The following INSR variants were observed in gnomAD, a reference collection of about 807,000 sequenced individuals.
The protein encoded by INSR is insulin receptor.
INSR carries 67 observed loss-of-function variants against 142.6 expected under a neutral mutation model. The ratio of observed to expected loss-of-function variants is 0.47; its 90% confidence interval spans 0.39 to 0.58. The LOEUF (loss-of-function observed/expected upper bound fraction) is 0.58, where lower values mean the gene tolerates loss of function less well. Ranked by LOEUF, INSR falls within the 20% of genes least tolerant of loss-of-function variation. The pLI is 0.00. For synonymous variants in INSR, 756 were observed against 743.1 expected (o/e 1.02, Z -0.28); for missense variants, 1,248 against 1,833.2 (o/e 0.68, Z 5.83).
At chr19:7,254,479 T>C (rs1976830148) in intron 2 of INSR, among the ~76,000 whole-genome samples, 1 of 151,718 alleles carries the variant, frequency 6.6e-6, no homozygotes, top group African/African-American at 2.4e-5. Flanking sequence ...CAGTGAGCTA[T>C]GATCGCACCA....
chr19:7,288,822 G>A (rs1968412265), intron 1 of INSR, among the ~76,000 whole-genome samples: 1 of 151,912 alleles, frequency 6.6e-6, no homozygotes, highest in African/African-American at 2.4e-5. Flanking sequence ...AACTAGCCAG[G>A]CGGGGTGGCA....
intron 2 of INSR, among the ~76,000 whole-genome samples, chr19:7,207,853 C>T (rs1975146726): frequency 6.9e-6 from 1 of 144,876 alleles, no homozygotes; most frequent in East Asian, 2.1e-4. Flanking sequence ...TGCCGTTGCA[C>T]TCTAGCCTGG....
At chr19:7,239,106 A>T (rs987497996) in intron 2 of INSR, among the ~76,000 whole-genome samples, 4 of 152,160 alleles carry the variant, frequency 2.6e-5, no homozygotes, top group African/African-American at 9.7e-5. Flanking sequence ...ATTTAAAAAG[A>T]TGGATGCTTA....
In INSR at chr19:7,170,893, T is replaced by C. The variant is rs896348221; in HGVS notation, c.1269-142A>G. The C allele has an allele frequency of 3.9e-6, 3 of 765,484 alleles. No individual in the cohort carries two copies. The East Asian group carries it at 7.4e-5, about 19-fold the overall frequency. The allele number at this position is 765,484 out of a possible 1,614,324, so 47.4% of individuals were successfully genotyped here. Reference sequence around the variant, plus strand: ...TTGCTTGGCACATACTCAACACATATTTGTTGAATGTGGATAACAGAGGAA... The same window carrying C: ...TTGCTTGGCACATACTCAACACATACTTGTTGAATGTGGATAACAGAGGAA... On this transcript the variant is annotated intron_variant, in intron 5 of 21. Transcript: ENST00000302850.
At chr19:7,249,394 G>A (rs1323391984) in intron 2 of INSR, among the ~76,000 whole-genome samples, 4 of 151,892 alleles carry the variant, frequency 2.6e-5, no homozygotes, top group Non-Finnish European at 5.9e-5. Context: ...ACTTGCCTTC[G>A]TCAAGAACAC....
chr19:7,193,929 T>G (rs563880773), intron 2 of INSR, among the ~76,000 whole-genome samples: 1 of 150,402 alleles, frequency 6.6e-6, no homozygotes, highest in South Asian at 2.1e-4. Flanking sequence ...CTTGAACTCC[T>G]AGGCTCAAGA....
Position 7,267,967 on chromosome 19 carries a change from G to T in INSR, c.101-71C>A. Reference sequence around the variant, plus strand: ...CGGTGGATGCATCAGAAGGATCAGGGGCAGAGCCGGCTTCATGGACAGGAA... The same window carrying T: ...CGGTGGATGCATCAGAAGGATCAGGTGCAGAGCCGGCTTCATGGACAGGAA... On this transcript the variant is annotated intron_variant, in intron 1 of 21. Transcript: ENST00000302850. The surrounding 1 kb of genome is among the most constrained non-coding windows in gnomAD (Gnocchi z 6.3). 7.7e-7 allele frequency: 1 copy of T among 1,304,624 alleles called. No individual in the cohort carries two copies. The allele number at this position is 1,304,624 out of a possible 1,614,324, so 80.8% of individuals were successfully genotyped here. A position where few individuals can be genotyped will look rare whatever the true frequency, so the allele number is the denominator to read the frequency against.
At chr19:7,144,205 G>T (rs1255280901) in intron 11 of INSR, among the ~76,000 whole-genome samples, 1 of 151,962 alleles carries the variant, frequency 6.6e-6, no homozygotes, top group Non-Finnish European at 1.5e-5. Context: ...TTATTATATT[G>T]GAAGCATTTA....
rs766291298 is a variant in INSR, at chr19:7,216,527, G to A, written c.653-31890C>T. 2.0e-5 allele frequency among the ~76,000 whole-genome samples: 3 copies of A among 152,152 alleles called. No individual in the cohort carries two copies. Among genetic ancestry groups the A allele is most frequent in the Admixed American group, 2.0e-4 (3 of 15,276 alleles). On this transcript the variant is annotated intron_variant, in intron 2 of 21. Transcript: ENST00000302850. This position sits in a 1 kb window ranked among gnomAD's most constrained non-coding sequence, Gnocchi z 4.2. ...ACAGGGAACCACGGGGGATGTCCCC[G>A]GGCTCTGGGTTCGAAAATGCAGGCC...
intron 2 of INSR, among the ~76,000 whole-genome samples, chr19:7,242,420 A>G (rs1419485348): frequency 3.3e-5 from 5 of 152,224 alleles, no homozygotes; most frequent in African/African-American, 9.6e-5. Flanking sequence ...GACTTTTACT[A>G]TAAATAAAAA....
chr19:7,152,847 C>G lies in INSR; in HGVS notation c.2110G>C (p.Asp704His). ...SQKHNQSEYE[D>H]SAGECCSCPK... The stretch of plus-strand genomic sequence containing the variant: ...CAGGAGCAGCATTCGCCGGCCGAAT[C>G]CTCATACTCACTCTGGTTGTGCTTC... The change falls in exon 10 of 22, where the codon GAT (aspartate) becomes CAT (histidine). Residue 704 changes from aspartate to histidine, a missense_variant. This residue lies in a region of INSR where 1,069 missense variants were observed against 1,654.0 expected (regional missense o/e 0.65). Transcript: ENST00000302850. 6.2e-7 allele frequency: 1 copy of G among 1,613,428 alleles called. No individual in the cohort carries two copies. The highest frequency in any genetic ancestry group is 1.1e-5 in the South Asian group (1 of 91,050).
chr19:7,179,936 G>A (rs1251300791), intron 3 of INSR, among the ~76,000 whole-genome samples: 2 of 152,152 alleles, frequency 1.3e-5, no homozygotes, highest in East Asian at 1.9e-4. Flanking sequence ...ATTTGCAAAC[G>A]TGATACAAGC....
chr19:7,160,702 T>G (rs1973725219), intron 9 of INSR, among the ~76,000 whole-genome samples: 1 of 151,962 alleles, frequency 6.6e-6, no homozygotes, highest in African/African-American at 2.4e-5. Context: ...AAACCCAATG[T>G]TAAAATAATT....
In INSR at chr19:7,267,224, AC is replaced by A; in HGVS notation, c.652+120del. The A allele has an allele frequency of 9.8e-7, 1 of 1,017,384 alleles. No homozygotes were observed. Among genetic ancestry groups the A allele is most frequent in the Non-Finnish European group, 1.5e-6 (1 of 660,070 alleles). 63.0% of individuals were successfully genotyped at this position (1,017,384 alleles called of 1,614,324 possible). ...GCCACTCCCTGGGCTAGTGAATGCC[AC>A]CACCCACTATTCCCCGGCCCCTACC... On this transcript the variant is annotated intron_variant, in intron 2 of 21. Transcript: ENST00000302850. The surrounding 1 kb of genome is among the most constrained non-coding windows in gnomAD (Gnocchi z 6.3).
In INSR at chr19:7,280,157, G is replaced by A. The variant is rs551315871; in HGVS notation, c.101-12261C>T. On this transcript the variant is annotated intron_variant, in intron 1 of 21. Transcript: ENST00000302850. ...CAGGCGCCTGTAGTCCCAGCTACTC[G>A]GGAGGCTGAGGCAGGAGAATGGCGT... 3.7e-4 allele frequency among the ~76,000 whole-genome samples: 57 copies of A among 152,174 alleles called. 1 individual carries two copies. Among genetic ancestry groups the A allele is most frequent in the Admixed American group, 2.4e-3 (36 of 15,276 alleles).
intron 2 of INSR, among the ~76,000 whole-genome samples, chr19:7,252,103 G>C (rs1429750904): frequency 6.6e-6 from 1 of 151,562 alleles, no homozygotes; most frequent in African/African-American, 2.4e-5. Context: ...GCGAAACCCT[G>C]TCTCTACTGA....
At chr19:7,158,359 G>C (rs934328673) in intron 9 of INSR, among the ~76,000 whole-genome samples, 5 of 151,966 alleles carry the variant, frequency 3.3e-5, no homozygotes, top group Non-Finnish European at 5.9e-5. Flanking sequence ...AAATTAGCCG[G>C]GCGTGGTGGC....
At chr19:7,135,061 G>A (rs1450295414) in intron 13 of INSR, among the ~76,000 whole-genome samples, 1 of 145,854 alleles carries the variant, frequency 6.9e-6, no homozygotes, top group Non-Finnish European at 1.5e-5. Flanking sequence ...TTAGGAGGGG[G>A]GTGGAGAGTG....
chr19:7,189,903 A>G (rs940587125), intron 2 of INSR, among the ~76,000 whole-genome samples: 3 of 152,030 alleles, frequency 2.0e-5, no homozygotes, highest in Non-Finnish European at 2.9e-5. Context: ...ACCTCAAGTG[A>G]TCTGCCCACC....
Sources: allele counts gnomAD v4.1 joint callset (sites outside exome capture counted in the v4.1 genomes callset), GRCh38; gene constraint gnomAD v4.1.1; regional missense constraint gnomAD v4.1.1; non-coding constraint Gnocchi (gnomAD v3.1); transcripts MANE v1.5; gene names NCBI Gene and HGNC (gene_info 2026-07-23, HGNC 2026-07-21).